NLRP5: variants seen among roughly 807,000 people sequenced by gnomAD.
The protein encoded by NLRP5 is NLR family pyrin domain containing 5, also known as NACHT, LRR and PYD domains-containing protein 5.
In NLRP5, 93 loss-of-function variants were observed where a neutral mutation model predicts 113.1. The ratio of observed to expected loss-of-function variants is 0.82; its 90% CI spans 0.70 to 0.98. The LOEUF (loss-of-function observed/expected upper bound fraction) is 0.98, where lower values mean the gene tolerates loss of function less well. NLRP5 is among the 50% of genes least tolerant of loss of function. The probability of loss-of-function intolerance (pLI) is 0.00; values close to 1 mark genes in which losing one functional copy is unlikely to be tolerated. For synonymous variants in NLRP5, 751 were observed against 600.7 expected (o/e 1.25, Z -3.66); for missense variants, 1,808 against 1,514.3 (o/e 1.19, Z -3.22).
intron 2 of NLRP5, among the ~76,000 whole-genome samples, chr19:56,007,250 G>T (rs1412202455): frequency 6.6e-6 from 1 of 151,100 alleles, no homozygotes; most frequent in African/African-American, 2.5e-5. Context: ...TGTAATCCCA[G>T]CTACTAGGTA....
intron 9 of NLRP5, among the ~76,000 whole-genome samples, chr19:56,034,997 G>C (rs1983259424): frequency 6.6e-6 from 1 of 152,144 alleles, no homozygotes; most frequent in South Asian, 2.1e-4. Flanking sequence ...GGAGTGCAGT[G>C]GCATGATCTC....
intron 13 of NLRP5, among the ~76,000 whole-genome samples, chr19:56,055,566 G>C (rs10404476): frequency 5.4e-5 from 2 of 36,832 alleles, no homozygotes; most frequent in African/African-American, 1.5e-4. Context: ...TTTTTTTTAA[G>C]ATAGAGTCTT....
rs773712711 is a variant in NLRP5, at chr19:56,028,338, T to G, written c.2105T>G (p.Leu702Trp). 1.2e-6 allele frequency: 2 copies of G among 1,613,998 alleles called. No homozygotes were observed. Among genetic ancestry groups the G allele is most frequent in the South Asian group, 2.2e-5 (2 of 91,078 alleles). ...ACTCAAGACAAAGAGTTTGTTCGCT[T>G]GGCATTAAACAGCTTCCAAGAAGTG... The change falls in exon 7 of 15, where the codon TTG becomes TGG. Residue 702 changes from leucine to tryptophan, a missense_variant. Transcript: ENST00000390649.
chr19:56,001,554 G>T (rs1428898901), intron 1 of NLRP5, among the ~76,000 whole-genome samples: 1 of 152,124 alleles, frequency 6.6e-6, no homozygotes, highest in Admixed American at 6.6e-5. Context: ...CAGAAGGAAA[G>T]ACGGGGGCTA....
rs974983546 is a variant in NLRP5 at position 56,037,883 on chromosome 19, C to T, written c.2616-142C>T. 2.5e-5 allele frequency: 19 copies of T among 767,132 alleles called. No individual in the cohort carries two copies. The African/African-American group carries it at 3.3e-4, about 14-fold the overall frequency. 47.5% of individuals were successfully genotyped at this position (767,132 alleles called of 1,614,324 possible). A position where few individuals can be genotyped will look rare whatever the true frequency, so the allele number is the denominator to read the frequency against. ...GGGGAGGTTGCACTGGAAGGAACAG[C>T]AACTTCTCAGGCCCGGAGGCAGGAG... On this transcript the variant is annotated intron_variant, in intron 9 of 14. Transcript: ENST00000390649.
intron 11 of NLRP5, among the ~76,000 whole-genome samples, chr19:56,044,581 A>G (rs983012358): frequency 6.6e-6 from 1 of 152,096 alleles, no homozygotes; most frequent in Non-Finnish European, 1.5e-5. Flanking sequence ...CTATGTGCCT[A>G]TTTTTGCACG....
At chr19:56,007,281 T>C (rs1224374491) in intron 2 of NLRP5, among the ~76,000 whole-genome samples, 2 of 150,890 alleles carry the variant, frequency 1.3e-5, no homozygotes, top group Non-Finnish European at 2.9e-5. Context: ...GGAGAATCGC[T>C]TGAAGCTGGG....
chr19:56,035,130 G>T lies in NLRP5; in HGVS notation c.2615+1421G>T, dbSNP rs147780993. On this transcript the variant is annotated intron_variant, in intron 9 of 14. Transcript: ENST00000390649. ...ATTCTTGTATTTTTAGTAGAGATGG[G>T]GGTTTCACCATGTTGGCCAGGCTGT... Among the ~76,000 whole-genome samples, 993 of 152,186 alleles carry T rather than the reference G, an allele frequency of 6.5e-3. 17 individuals carry two copies. The highest frequency in any genetic ancestry group is 0.023 in the African/African-American group (936 of 41,510).
chr19:56,018,698 C>T (rs1029754227), intron 4 of NLRP5: 14 of 152,878 alleles, frequency 9.2e-5, no homozygotes, highest in Non-Finnish European at 1.5e-5. Flanking sequence ...CTGCTGGACT[C>T]AAGTGATTCT....
chr19:56,010,757 T>TAAAAAAAAAAAAAAAAAAAAAAAAAAA (rs1334394117), intron 3 of NLRP5, among the ~76,000 whole-genome samples: 4 of 21,684 alleles, frequency 1.8e-4, no homozygotes, highest in Non-Finnish European at 4.1e-4. Context: ...AAAAAAAAAG[T>TAAAAAAAAAAAAAAAAAAAAAAAAAAA]CCCTTGAAAC....
At chr19:56,057,987 T>G (rs1984217491) in intron 13 of NLRP5, among the ~76,000 whole-genome samples, 1 of 147,172 alleles carries the variant, frequency 6.8e-6, no homozygotes, top group Non-Finnish European at 1.5e-5. Flanking sequence ...AAGATTGTGC[T>G]ACTGCACTCC....
At chr19:56,017,104 G>T (rs548831833) in intron 4 of NLRP5, among the ~76,000 whole-genome samples, 26 of 152,274 alleles carry the variant, frequency 1.7e-4, no homozygotes, top group African/African-American at 6.0e-4. Context: ...ACCGCGCCCG[G>T]CCAAAATCCT....
intron 11 of NLRP5, among the ~76,000 whole-genome samples, chr19:56,047,577 G>A (rs1377015235): frequency 2.0e-5 from 3 of 152,128 alleles, no homozygotes; most frequent in Non-Finnish European, 2.9e-5. Flanking sequence ...TTATTCCACT[G>A]TGGTCTGAGA....
At position 56,013,825 on chromosome 19, in the gene NLRP5, G is replaced by A. The variant is rs368929129; in HGVS notation, c.509-1917G>A. Among the ~76,000 whole-genome samples the A allele has an allele frequency of 1.6e-3, 242 of 151,934 alleles. 1 individual carries two copies. Among genetic ancestry groups the A allele is most frequent in the African/African-American group, 4.9e-3 (202 of 41,418 alleles). On this transcript the variant is annotated intron_variant, in intron 3 of 14. Transcript: ENST00000390649. ...ACACCTTAATGAAAGCTACAGTAAC[G>A]TTTGCTCCACTATTTTTCATTGTAA... is the stretch of plus-strand genomic sequence containing the variant.
intron 6 of NLRP5, among the ~76,000 whole-genome samples, chr19:56,022,891 A>C (rs1428097196): frequency 6.6e-6 from 1 of 151,890 alleles, no homozygotes; most frequent in Non-Finnish European, 1.5e-5. Context: ...CACCCGGCTA[A>C]TTTTGTATTT....
At chr19:56,025,620 C>G (rs1208711003) in intron 6 of NLRP5, among the ~76,000 whole-genome samples, 1 of 151,964 alleles carries the variant, frequency 6.6e-6, no homozygotes, top group Non-Finnish European at 1.5e-5. Flanking sequence ...CTGTGTTAGC[C>G]AGGATGGTCT....
upstream of NLRP5, among the ~76,000 whole-genome samples, chr19:55,998,958 A>G (rs1981492984): frequency 1.3e-5 from 2 of 151,466 alleles, no homozygotes; most frequent in Non-Finnish European, 2.9e-5. Context: ...TGGAGCATAT[A>G]TTAATACATC....
intron 13 of NLRP5, among the ~76,000 whole-genome samples, 167 bp downstream of exon 13, chr19:56,053,975 G>A (rs376320169): frequency 9.2e-5 from 14 of 152,128 alleles, no homozygotes; most frequent in East Asian, 3.9e-4. Flanking sequence ...GTTCCAGCTC[G>A]GCTCCTATGG....
rs183090427 is a variant in NLRP5, at chr19:56,053,078, C to G, written c.3129-560C>G. Among the ~76,000 whole-genome samples the G allele has an allele frequency of 3.3e-5, 5 of 151,892 alleles. No individual in the cohort carries two copies. In the East Asian group the frequency reaches 9.7e-4, roughly 30 times the overall value. ...TGCCATTGCACTCCAGCCTGGGCAACAGAGTGAGACTTTGTCTTGAAAAAA... is the reference window on the plus strand; with the variant it reads ...TGCCATTGCACTCCAGCCTGGGCAAGAGAGTGAGACTTTGTCTTGAAAAAA... On this transcript the variant is annotated intron_variant, in intron 12 of 14. Transcript: ENST00000390649.
Sources: gnomAD v4.1 joint callset for allele counts (sites outside exome capture counted in the v4.1 genomes callset) on GRCh38, gnomAD v4.1.1 for gene constraint, MANE v1.5 for transcripts, NCBI Gene and HGNC (gene_info 2026-07-23, HGNC 2026-07-21) for gene names.